Variants in PLCB4 observed in about 807,000 individuals in gnomAD.
The protein encoded by PLCB4 is 1-phosphatidylinositol 4,5-bisphosphate phosphodiesterase beta-4.
Under a neutral mutation model 178.8 loss-of-function variants are expected in PLCB4, and 77 were observed. The observed-to-expected ratio is 0.43, with a 90% CI of 0.36 to 0.52. The LOEUF (loss-of-function observed/expected upper bound fraction) is 0.52, where lower values mean the gene tolerates loss of function less well. Among genes scored for constraint, PLCB4 ranks in the 20% least tolerant of loss-of-function variants. The pLI is 0.00. For missense variants in PLCB4, 1,024 were observed against 1,453.4 expected, an observed-to-expected ratio of 0.70 and a Z score of 4.80; for synonymous variants, 496 against 490.8, an observed-to-expected ratio of 1.01 and a Z score of -0.14.
chr20:9,295,008 C>T (rs534121122), intron 3 of PLCB4, among the ~76,000 whole-genome samples: 29 of 152,220 alleles, frequency 1.9e-4, no homozygotes, highest in South Asian at 8.3e-4. Context: ...CCTAAGCCTC[C>T]ATTCTCATAG....
At chr20:9,246,734 C>A (rs1248703147) in intron 3 of PLCB4, among the ~76,000 whole-genome samples, 1 of 152,112 alleles carries the variant, frequency 6.6e-6, no homozygotes, top group Non-Finnish European at 1.5e-5. Context: ...TAATTGTCTT[C>A]TCTTGTCATA....
At chr20:9,459,578 G>A in intron 34 of PLCB4, 57 bp from the exon 35 acceptor site, 1 of 1,291,240 alleles carries the variant, frequency 7.7e-7, no homozygotes, top group Non-Finnish European at 1.1e-6. Context: ...TTGTGCTTTT[G>A]GGTTCATACC....
chr20:9,130,609 C>T (rs983962506), intron 2 of PLCB4, among the ~76,000 whole-genome samples: 2 of 152,142 alleles, frequency 1.3e-5, no homozygotes, highest in South Asian at 4.1e-4. Context: ...GACTGTTTTC[C>T]CATGAAACCC....
At chr20:9,141,289 G>C (rs1049578723) in intron 2 of PLCB4, among the ~76,000 whole-genome samples, 2 of 152,168 alleles carry the variant, frequency 1.3e-5, no homozygotes, top group Non-Finnish European at 2.9e-5. Context: ...CAAAAAGATT[G>C]GTTAGATTAC....
intron 1 of PLCB4, among the ~76,000 whole-genome samples, chr20:9,088,058 C>T (rs2090512122): frequency 1.3e-5 from 2 of 152,208 alleles, no homozygotes; most frequent in South Asian, 4.1e-4. Context: ...TGGCATCAGC[C>T]AGCCAATCTG....
intron 7 of PLCB4, among the ~76,000 whole-genome samples, chr20:9,349,895 C>G (rs1490038598): frequency 6.6e-6 from 1 of 152,106 alleles, no homozygotes; most frequent in Non-Finnish European, 1.5e-5. Flanking sequence ...CTGACATGGG[C>G]CTACATGTAT....
intron 4 of PLCB4, among the ~76,000 whole-genome samples, chr20:9,335,982 ATGT>A (rs2032405888): frequency 6.6e-6 from 1 of 152,230 alleles, no homozygotes; most frequent in South Asian, 2.1e-4. Context: ...ACCTTGATAA[ATGT>A]TGTTGTTCCC....
intron 3 of PLCB4, among the ~76,000 whole-genome samples, chr20:9,229,862 C>T (rs947628120): frequency 6.6e-6 from 1 of 152,076 alleles, no homozygotes; most frequent in African/African-American, 2.4e-5. Context: ...CCCCTACTTC[C>T]TGCCCTCTAA....
Position 9,143,409 on chromosome 20 carries a change from A to T in PLCB4, c.-79+47067A>T, listed in dbSNP as rs575874328. Reference sequence around the variant, plus strand: ...TTTGATTTCCTTGAGATCAGCTGTCAATAATTTCTATCTTTATATTCAGGC... The same window carrying T: ...TTTGATTTCCTTGAGATCAGCTGTCTATAATTTCTATCTTTATATTCAGGC... On this transcript the variant is annotated intron_variant, in intron 2 of 39. Coordinates refer to ENST00000378473, the MANE Select transcript of PLCB4 (RefSeq NM_001377142.1). Among the ~76,000 whole-genome samples the T allele has an allele frequency of 1.4e-4, 21 of 152,290 alleles. No homozygotes were observed. In the East Asian group the frequency reaches 4.1e-3, roughly 29 times the overall value.
intron 3 of PLCB4, among the ~76,000 whole-genome samples, chr20:9,294,989 A>G (rs1299463558): frequency 6.6e-6 from 1 of 152,162 alleles, no homozygotes; most frequent in African/African-American, 2.4e-5. Flanking sequence ...AAGCTGAGGA[A>G]GAGGTCAACC....
chr20:9,131,244 CT>C (rs1395240682), intron 2 of PLCB4, among the ~76,000 whole-genome samples: 1 of 152,088 alleles, frequency 6.6e-6, no homozygotes, highest in South Asian at 2.1e-4. Context: ...ATCAATCTCT[CT>C]TCCCTCTTTC....
chr20:9,253,168 G>A (rs1436146847), intron 3 of PLCB4, among the ~76,000 whole-genome samples: 2 of 152,180 alleles, frequency 1.3e-5, no homozygotes, highest in Non-Finnish European at 2.9e-5. Context: ...CAGTACTATG[G>A]TAGAAGCTCT....
At chr20:9,253,319 A>C (rs1012774645) in intron 3 of PLCB4, among the ~76,000 whole-genome samples, 5 of 152,028 alleles carry the variant, frequency 3.3e-5, no homozygotes, top group African/African-American at 1.2e-4. Context: ...CCATTCACTC[A>C]CTGGCTAACT....
chr20:9,392,823 A>G (rs1226282208), intron 17 of PLCB4, among the ~76,000 whole-genome samples: 1 of 149,564 alleles, frequency 6.7e-6, no homozygotes, highest in Non-Finnish European at 1.5e-5. Flanking sequence ...GAGGCAAGAC[A>G]GACATATGAG....
chr20:9,195,503 T>C (rs1362300075), intron 2 of PLCB4, among the ~76,000 whole-genome samples: 4 of 152,228 alleles, frequency 2.6e-5, no homozygotes, highest in Non-Finnish European at 5.9e-5. Flanking sequence ...GTGGGTATCA[T>C]CAGCAGTTCA....
intron 3 of PLCB4, among the ~76,000 whole-genome samples, chr20:9,227,529 A>T (rs987062915): frequency 2.8e-4 from 43 of 152,232 alleles, no homozygotes; most frequent in Non-Finnish European, 5.4e-4. Context: ...AATTTCATTA[A>T]TTCGCATGTA....
At position 9,083,130 on chromosome 20, in the gene PLCB4, GT is replaced by G. The variant is rs1238331155; in HGVS notation, c.-134-13155del. Among the ~76,000 whole-genome samples, 8 of 152,270 alleles carry G rather than the reference GT, an allele frequency of 5.3e-5. No individual in the cohort carries two copies. In the South Asian group the frequency reaches 1.7e-3, roughly 32 times the overall value. ...AAGTGCTTCCAGCTTTGTTGGAAAG[GT>G]TAAGGCAATAATTACATGGAAGGTA... On this transcript the variant is annotated intron_variant, in intron 1 of 39. Transcript: ENST00000378473.
chr20:9,170,538 A>C (rs8119610), intron 2 of PLCB4, among the ~76,000 whole-genome samples: 3,215 of 152,254 alleles, frequency 0.021, 56 homozygotes, highest in African/African-American at 0.032. Flanking sequence ...AAAGAAAAAA[A>C]ACTCCTCTTT....
chr20:9,114,608 G>C (rs2091714245), intron 2 of PLCB4, among the ~76,000 whole-genome samples: 1 of 152,062 alleles, frequency 6.6e-6, no homozygotes, highest in African/African-American at 2.4e-5. Flanking sequence ...ATGAGTGATG[G>C]CTCAAATGTG....
Sources: gnomAD v4.1 joint callset for allele counts (sites outside exome capture counted in the v4.1 genomes callset) on GRCh38, gnomAD v4.1.1 for gene constraint, MANE v1.5 for transcripts, NCBI Gene and HGNC (gene_info 2026-07-23, HGNC 2026-07-21) for gene names.